Variants in PRKN observed in about 807,000 individuals in gnomAD.
PRKN encodes parkin RBR E3 ubiquitin protein ligase, also known as E3 ubiquitin-protein ligase parkin.
A neutral mutation model predicts 59.5 loss-of-function variants in PRKN; 56 were observed. That is an observed-to-expected ratio of 0.94 (90% confidence interval 0.76 to 1.18). PRKN has a LOEUF of 1.18. Ranked by LOEUF, PRKN falls within the 50% of genes most tolerant of loss-of-function variation. PRKN has a pLI of 0.00. For missense variants in PRKN, 657 were observed against 596.4 expected (o/e 1.10, Z -1.06); for synonymous variants, 250 against 222.1 (o/e 1.13, Z -1.12).
At chr6:162,146,994 G>C (rs910732312) in intron 4 of PRKN, among the ~76,000 whole-genome samples, 8 of 151,274 alleles carry the variant, frequency 5.3e-5, no homozygotes, top group African/African-American at 1.9e-4. Context: ...GCCTCCCAAA[G>C]TGCTGGGATT....
At chr6:162,619,482 G>T (rs1023028938) in intron 1 of PRKN, among the ~76,000 whole-genome samples, 3 of 151,990 alleles carry the variant, frequency 2.0e-5, no homozygotes, top group African/African-American at 7.3e-5. Context: ...CAAAGAGCTG[G>T]TTTAAATGGA....
intron 5 of PRKN, among the ~76,000 whole-genome samples, chr6:161,993,547 C>G (rs1781728861): frequency 6.6e-6 from 1 of 152,154 alleles, no homozygotes; most frequent in Non-Finnish European, 1.5e-5. Context: ...AATTCTTAAA[C>G]TATTTCAAAA....
At chr6:162,584,218 A>AAAAAAAC (rs201525617) in intron 1 of PRKN, among the ~76,000 whole-genome samples, 4 of 92,654 alleles carry the variant, frequency 4.3e-5, no homozygotes, top group African/African-American at 6.6e-5. Context: ...GTCTCAAAAA[A>AAAAAAAC]AAAAAACAAA....
At position 161,582,971 on chromosome 6, in the gene PRKN, AACACAC is replaced by A. The variant is rs768568929; in HGVS notation, c.872-13561_872-13556del. Among the ~76,000 whole-genome samples, 7,561 of 117,070 alleles carry A rather than the reference AACACAC, an allele frequency of 0.065. 339 individuals are homozygous for A. The highest frequency in any genetic ancestry group is 0.14 in the African/African-American group (4,792 of 34,444). 76.8% of individuals were successfully genotyped at this position (117,070 alleles called of 152,430 possible). Reference sequence around the variant, plus strand: ...TCTTTCCAGTGAGATGGCCTATTCCAACACACACACACACACACACACACACACACA... The same window carrying A: ...TCTTTCCAGTGAGATGGCCTATTCCAACACACACACACACACACACACACA... On this transcript the variant is annotated intron_variant, in intron 7 of 11. Transcript: ENST00000366898. This position sits in a 1 kb window ranked among gnomAD's most constrained non-coding sequence, Gnocchi z 4.4.
chr6:161,672,820 C>A (rs1325545779), intron 7 of PRKN, among the ~76,000 whole-genome samples: 1 of 152,100 alleles, frequency 6.6e-6, no homozygotes, highest in Non-Finnish European at 1.5e-5. Flanking sequence ...TGAAATAAGG[C>A]CTTTCCTGTA....
intron 6 of PRKN, among the ~76,000 whole-genome samples, chr6:161,824,314 AT>A (rs1452125333): frequency 2.6e-5 from 4 of 152,244 alleles, no homozygotes; most frequent in Non-Finnish European, 5.9e-5. Flanking sequence ...GCAAGGTGCG[AT>A]TCTCATCAAC....
At chr6:162,399,291 CA>C (rs1787641847) in intron 2 of PRKN, among the ~76,000 whole-genome samples, 1 of 152,046 alleles carries the variant, frequency 6.6e-6, no homozygotes, top group Admixed American at 6.6e-5. Flanking sequence ...TGGGGTAAAC[CA>C]ATGGGTGGAT....
At chr6:162,092,866 A>C (rs946762535) in intron 4 of PRKN, among the ~76,000 whole-genome samples, 1 of 152,174 alleles carries the variant, frequency 6.6e-6, no homozygotes, top group African/African-American at 2.4e-5. Context: ...ATGGAGCCTT[A>C]AGATGGATGA....
intron 2 of PRKN, among the ~76,000 whole-genome samples, chr6:162,335,039 A>G (rs917011113): frequency 6.6e-5 from 10 of 152,066 alleles, no homozygotes; most frequent in Non-Finnish European, 1.3e-4. Context: ...TTGAGACAAG[A>G]GTCTTGCTCT....
chr6:161,934,887 A>G (rs1337503832), intron 6 of PRKN, among the ~76,000 whole-genome samples: 1 of 152,150 alleles, frequency 6.6e-6, no homozygotes, highest in Non-Finnish European at 1.5e-5. Flanking sequence ...ACTAACTTTG[A>G]GATCTCCCAA....
chr6:162,036,632 G>C lies in PRKN; in HGVS notation c.618+17459C>G, dbSNP rs572793836. Reference sequence around the variant, plus strand: ...CTGACCTCCAGTGATCCCCCTGCCTGGGCCTCCCAAAGTGCTGGGATTACA... The same window carrying C: ...CTGACCTCCAGTGATCCCCCTGCCTCGGCCTCCCAAAGTGCTGGGATTACA... On this transcript the variant is annotated intron_variant, in intron 5 of 11. Coordinates refer to ENST00000366898, the MANE Select transcript of PRKN (RefSeq NM_004562.3). Among the ~76,000 whole-genome samples the C allele has an allele frequency of 2.0e-5, 3 of 151,870 alleles. 1 individual carries two copies. In the East Asian group the frequency reaches 6.0e-4, roughly 30 times the overall value.
intron 1 of PRKN, among the ~76,000 whole-genome samples, chr6:162,460,776 G>T (rs1791114678): frequency 1.3e-5 from 2 of 152,108 alleles, no homozygotes; most frequent in African/African-American, 4.8e-5. Flanking sequence ...CACATTTAGA[G>T]TTTGTTTTTA....
chr6:162,288,418 C>T (rs1893560), intron 2 of PRKN, among the ~76,000 whole-genome samples: 20,499 of 151,942 alleles, frequency 0.13, 2,385 homozygotes, highest in East Asian at 0.53. Flanking sequence ...TTCAGATATA[C>T]GTCAAGTCTG....
chr6:162,007,030 T>A (rs187597992), intron 5 of PRKN, among the ~76,000 whole-genome samples: 1 of 152,062 alleles, frequency 6.6e-6, no homozygotes, highest in Non-Finnish European at 1.5e-5. Context: ...ACTGAATGGA[T>A]AAATGAATGG....
At chr6:161,904,315 T>TG (rs1778052636) in intron 6 of PRKN, among the ~76,000 whole-genome samples, 1 of 135,854 alleles carries the variant, frequency 7.4e-6, no homozygotes, top group Non-Finnish European at 1.6e-5. Context: ...TGGGGTTTTT[T>TG]TTTTTTTTTT....
intron 1 of PRKN, among the ~76,000 whole-genome samples, chr6:162,683,016 G>A (rs1779829761): frequency 2.0e-5 from 3 of 152,094 alleles, no homozygotes; most frequent in African/African-American, 7.2e-5. Flanking sequence ...TAGTTTTATT[G>A]GAGCAACGAC....
intron 6 of PRKN, among the ~76,000 whole-genome samples, chr6:161,803,437 G>A (rs963147194): frequency 2.0e-5 from 3 of 152,232 alleles, no homozygotes; most frequent in African/African-American, 7.2e-5. Flanking sequence ...GCATGTGCTT[G>A]TTTGGTGAGG....
At chr6:162,367,934 T>C (rs2128135859) in intron 2 of PRKN, among the ~76,000 whole-genome samples, 2 of 152,030 alleles carry the variant, frequency 1.3e-5, no homozygotes, top group South Asian at 4.2e-4. Context: ...ACTGAGTGGG[T>C]AGAAACCACC....
intron 2 of PRKN, among the ~76,000 whole-genome samples, chr6:162,294,965 A>G (rs931394240): frequency 2.6e-5 from 4 of 152,182 alleles, no homozygotes; most frequent in Non-Finnish European, 5.9e-5. Flanking sequence ...CACTAACCCT[A>G]GTAACCATAC....
Sources: gnomAD v4.1 joint callset for allele counts (sites outside exome capture counted in the v4.1 genomes callset) on GRCh38, gnomAD v4.1.1 for gene constraint, Gnocchi (gnomAD v3.1) non-coding constraint, MANE v1.5 for transcripts, NCBI Gene and HGNC (gene_info 2026-07-23, HGNC 2026-07-21) for gene names.